CDK8: variants seen among roughly 807,000 people sequenced by gnomAD.
CDK8 encodes the protein cyclin dependent kinase 8.
CDK8 carries 29 observed loss-of-function variants against 71.5 expected under a neutral mutation model. The ratio of observed to expected loss-of-function variants is 0.41; its 90% confidence interval spans 0.30 to 0.55. The LOEUF (loss-of-function observed/expected upper bound fraction) is 0.55. CDK8 is among the 20% of genes least tolerant of loss of function. The pLI, the probability that CDK8 is intolerant of heterozygous loss-of-function variation, is 0.37. For missense variants in CDK8, 288 were observed against 572.6 expected, an observed-to-expected ratio of 0.50 and a Z score of 5.07; for synonymous variants, 161 against 192.1, an observed-to-expected ratio of 0.84 and a Z score of 1.34.
At chr13:26,338,165 A>T (rs1302356110) in intron 2 of CDK8, among the ~76,000 whole-genome samples, 1 of 152,092 alleles carries the variant, frequency 6.6e-6, no homozygotes, top group East Asian at 1.9e-4. Flanking sequence ...TTAATGCATT[A>T]ATAGTTATCC....
chr13:26,284,073 T>C (rs1872888255), intron 1 of CDK8, among the ~76,000 whole-genome samples: 1 of 152,134 alleles, frequency 6.6e-6, no homozygotes, highest in African/African-American at 2.4e-5. Flanking sequence ...AGGTGGAAAT[T>C]AAAAAATTCT....
chr13:26,268,670 C>A (rs1872153931), intron 1 of CDK8, among the ~76,000 whole-genome samples: 1 of 152,082 alleles, frequency 6.6e-6, no homozygotes, highest in South Asian at 2.1e-4. Context: ...TTAAAAAAAA[C>A]TCGAGAGCCA....
chr13:26,292,171 A>T (rs929270102), intron 1 of CDK8, among the ~76,000 whole-genome samples: 2 of 152,312 alleles, frequency 1.3e-5, no homozygotes, highest in South Asian at 2.1e-4. Flanking sequence ...AAGTGTGTGT[A>T]TGTGTATATC....
At chr13:26,295,939 G>C (rs9319289) in intron 1 of CDK8, among the ~76,000 whole-genome samples, 16,458 of 152,048 alleles carry the variant, frequency 0.11, 2,637 homozygotes, top group African/African-American at 0.35. Context: ...ATGGTCGTTT[G>C]TTGGATCATT....
chr13:26,377,907 C>T (rs1435405947), intron 4 of CDK8, among the ~76,000 whole-genome samples: 1 of 152,182 alleles, frequency 6.6e-6, no homozygotes, highest in Admixed American at 6.5e-5. Flanking sequence ...AGAAAGTTTA[C>T]CACCAGGCTG....
intron 1 of CDK8, among the ~76,000 whole-genome samples, chr13:26,263,760 T>A (rs1223367555): frequency 6.9e-6 from 1 of 144,992 alleles, no homozygotes; most frequent in Non-Finnish European, 1.5e-5. Context: ...TTTTTTTTTT[T>A]TTTCGAGACG....
At chr13:26,306,859 C>T (rs962503889) in intron 1 of CDK8, among the ~76,000 whole-genome samples, 1 of 152,016 alleles carries the variant, frequency 6.6e-6, no homozygotes, top group African/African-American at 2.4e-5. Context: ...GAACTTCTGA[C>T]CTCAAGTGAT....
chr13:26,374,634 G>A (rs1874859468), intron 4 of CDK8, among the ~76,000 whole-genome samples: 1 of 151,568 alleles, frequency 6.6e-6, no homozygotes, highest in African/African-American at 2.4e-5. Context: ...TAATCAACAT[G>A]AATATATTAG....
In CDK8 at chr13:26,404,185, C is replaced by T; in HGVS notation, c.*104C>T. 7.6e-7 allele frequency: 1 copy of T among 1,317,640 alleles called. No individual in the cohort carries two copies. Among genetic ancestry groups the T allele is most frequent in the Non-Finnish European group, 1.0e-6 (1 of 967,534 alleles). The allele number at this position is 1,317,640 out of a possible 1,614,324, so 81.6% of individuals were successfully genotyped here. On this transcript the variant is annotated 3_prime_UTR_variant, in exon 13 of 13. Coordinates refer to ENST00000381527, the MANE Select transcript of CDK8 (RefSeq NM_001260.3). ...GGGCCATGAGAATGTACTGTACAAC[C>T]ACATCTTCAAAATGTCCAGTAGCCA...
At chr13:26,297,377 C>A (rs1435770449) in intron 1 of CDK8, among the ~76,000 whole-genome samples, 1 of 152,072 alleles carries the variant, frequency 6.6e-6, no homozygotes, top group Non-Finnish European at 1.5e-5. Context: ...AGATAAAGAA[C>A]AGAATAATAC....
At chr13:26,322,266 G>T (rs972229303) in intron 1 of CDK8, among the ~76,000 whole-genome samples, 8 of 152,146 alleles carry the variant, frequency 5.3e-5, no homozygotes, top group South Asian at 2.1e-4. Context: ...TTAAAGAATG[G>T]TATGAAATTC....
chr13:26,383,735 C>T (rs894583461), intron 5 of CDK8, among the ~76,000 whole-genome samples: 1 of 152,172 alleles, frequency 6.6e-6, no homozygotes. Flanking sequence ...AATATTCTTC[C>T]TTATAAATCC....
intron 9 of CDK8, among the ~76,000 whole-genome samples, chr13:26,397,675 G>A (rs1876059486): frequency 1.3e-5 from 2 of 152,076 alleles, no homozygotes; most frequent in Non-Finnish European, 2.9e-5. Context: ...CAGTCATTCA[G>A]CGATTATATG....
intron 12 of CDK8, 70 bp from the exon 13 acceptor site, chr13:26,403,886 C>G (rs1225339402): frequency 1.3e-6 from 2 of 1,554,222 alleles, no homozygotes. Flanking sequence ...AATGACACTT[C>G]AGTCACATAT....
intron 1 of CDK8, among the ~76,000 whole-genome samples, chr13:26,315,254 C>A (rs999965443): frequency 6.6e-6 from 1 of 152,124 alleles, no homozygotes; most frequent in Non-Finnish European, 1.5e-5. Flanking sequence ...GTGAATGATA[C>A]AAATGAAACT....
intron 4 of CDK8, among the ~76,000 whole-genome samples, chr13:26,379,678 T>A (rs550042244): frequency 1.6e-3 from 245 of 152,210 alleles, no homozygotes; most frequent in African/African-American, 5.6e-3. Context: ...AGGAGAGACA[T>A]GTGCATGTAT....
intron 6 of CDK8, among the ~76,000 whole-genome samples, chr13:26,385,878 T>C (rs1875453185): frequency 6.6e-6 from 1 of 152,176 alleles, no homozygotes; most frequent in Non-Finnish European, 1.5e-5. Flanking sequence ...ATCTTTGTAA[T>C]TAAATGGGAT....
Position 26,401,246 on chromosome 13 carries a change from G to A in CDK8, c.1032-23G>A, listed in dbSNP as rs772924118. On this transcript the variant is annotated intron_variant, in intron 10 of 12. Coordinates refer to ENST00000381527, the MANE Select transcript of CDK8 (RefSeq NM_001260.3). The surrounding 1 kb of genome is among the most constrained non-coding windows in gnomAD (Gnocchi z 4.5). ...AATATTGATTAGTATACCAGAAATG[G>A]TTTTTCTTTTTCTTATGATCAGCGT... The A allele has an allele frequency of 1.3e-6, 2 of 1,582,792 alleles. No homozygotes were observed. Among genetic ancestry groups the A allele is most frequent in the Admixed American group, 3.4e-5 (2 of 58,916 alleles).
intron 1 of CDK8, among the ~76,000 whole-genome samples, chr13:26,286,905 C>T (rs1873049640): frequency 6.6e-6 from 1 of 152,128 alleles, no homozygotes; most frequent in South Asian, 2.1e-4. Context: ...AAAAAATGCT[C>T]AATATCACTA....
Sources: gnomAD v4.1 joint callset for allele counts (sites outside exome capture counted in the v4.1 genomes callset) on GRCh38, gnomAD v4.1.1 for gene constraint, Gnocchi (gnomAD v3.1) non-coding constraint, MANE v1.5 for transcripts, NCBI Gene and HGNC (gene_info 2026-07-23, HGNC 2026-07-21) for gene names.